ZCRB1: variants seen among roughly 807,000 people sequenced by gnomAD.
ZCRB1 encodes zinc finger CCHC-type and RNA-binding motif-containing protein 1.
A neutral mutation model predicts 29.9 loss-of-function variants in ZCRB1; 21 were observed. The observed-to-expected ratio is 0.70, with a 90% CI of 0.50 to 1.01. The LOEUF (loss-of-function observed/expected upper bound fraction) is 1.01. Among genes scored for constraint, ZCRB1 ranks in the 50% least tolerant of loss-of-function variants. The pLI is 0.00. For missense variants in ZCRB1, 204 were observed against 253.3 expected (o/e 0.81, Z 1.32); for synonymous variants, 77 against 80.0 (o/e 0.96, Z 0.20).
At chr12:42,323,868 C>G in intron 2 of ZCRB1, 151 bp downstream of exon 2, 1 of 658,506 alleles carries the variant, frequency 1.5e-6, no homozygotes. Flanking sequence ...CATGATAGTG[C>G]CACTGCACTA....
intron 5 of ZCRB1, among the ~76,000 whole-genome samples, chr12:42,316,555 T>C (rs934145881): frequency 6.6e-6 from 1 of 152,082 alleles, no homozygotes; most frequent in Non-Finnish European, 1.5e-5. Context: ...TGACAGATCA[T>C]GAAGAGAACC....
intron 1 of ZCRB1, among the ~76,000 whole-genome samples, chr12:42,324,814 T>A (rs899472638): frequency 1.3e-5 from 2 of 152,190 alleles, no homozygotes; most frequent in African/African-American, 2.4e-5. Context: ...GCAAAAAAAA[T>A]GCTCTATTGA....
At chr12:42,321,618 A>T (rs1013641274) in intron 3 of ZCRB1, among the ~76,000 whole-genome samples, 8 of 152,258 alleles carry the variant, frequency 5.3e-5, no homozygotes. Context: ...TTTTAATAGC[A>T]AAGTAACTGT....
intron 3 of ZCRB1, among the ~76,000 whole-genome samples, chr12:42,319,390 C>T (rs948450904): frequency 2.0e-5 from 3 of 152,086 alleles, no homozygotes; most frequent in African/African-American, 7.2e-5. Context: ...TGTAAGTTGC[C>T]TATTCTTTGT....
intron 5 of ZCRB1, among the ~76,000 whole-genome samples, chr12:42,314,504 C>T (rs1478589126): frequency 1.3e-5 from 2 of 148,896 alleles, no homozygotes; most frequent in African/African-American, 2.5e-5. Flanking sequence ...ATTGCTTAAA[C>T]CCAGGAGGTG....
chr12:42,316,574 A>G (rs2068595625), intron 5 of ZCRB1, among the ~76,000 whole-genome samples: 1 of 152,232 alleles, frequency 6.6e-6, no homozygotes, highest in Non-Finnish European at 1.5e-5. Flanking sequence ...CCAAAGAAGA[A>G]AATGTGGGGA....
chr12:42,317,539 T>C (rs1440821470), intron 4 of ZCRB1, 92 bp from the exon 5 acceptor site: 2 of 1,151,050 alleles, frequency 1.7e-6, no homozygotes, highest in African/African-American at 3.1e-5. Context: ...CAATTCCAGT[T>C]TATTTTGGAT....
chr12:42,317,715 T>G, intron 4 of ZCRB1, 72 bp downstream of exon 4: 2 of 1,288,120 alleles, frequency 1.6e-6, no homozygotes. Flanking sequence ...ATCCACTATA[T>G]CCCCACATTT....
At chr12:42,316,519 T>C in intron 5 of ZCRB1, among the ~76,000 whole-genome samples, 1 of 152,212 alleles carries the variant, frequency 6.6e-6, no homozygotes, top group South Asian at 2.1e-4. Flanking sequence ...CTCTCTCTCT[T>C]CATCACCAAA....
chr12:42,318,926 C>T (rs2068608036), intron 3 of ZCRB1, among the ~76,000 whole-genome samples: 1 of 152,070 alleles, frequency 6.6e-6, no homozygotes, highest in African/African-American at 2.4e-5. Context: ...ATTTATAATT[C>T]TTACTGATAA....
intron 3 of ZCRB1, among the ~76,000 whole-genome samples, chr12:42,318,103 T>C (rs1312760225): frequency 1.3e-5 from 2 of 152,216 alleles, no homozygotes; most frequent in Non-Finnish European, 2.9e-5. Flanking sequence ...AGCACAGCTA[T>C]GATTAGGAGT....
Position 42,317,257 on chromosome 12 carries a change from A to T in ZCRB1, c.333+83T>A, listed in dbSNP as rs142456450. On this transcript the variant is annotated intron_variant, in intron 5 of 7. Transcript: ENST00000266529. ...TCATAATCTGGTTTAGCCAGTCAGAAGTTTTGGTGAGCAAAAATAAAAGAC... is the reference window on the plus strand; with the variant it reads ...TCATAATCTGGTTTAGCCAGTCAGATGTTTTGGTGAGCAAAAATAAAAGAC... 3.1e-4 allele frequency: 284 copies of T among 913,228 alleles called. No individual in the cohort carries two copies. The African/African-American group carries it at 4.1e-3, about 13-fold the overall frequency. 56.6% of individuals were successfully genotyped at this position (913,228 alleles called of 1,614,324 possible).
At chr12:42,322,324 T>C in intron 3 of ZCRB1, 94 bp downstream of exon 3, 1 of 1,173,256 alleles carries the variant, frequency 8.5e-7, no homozygotes, top group South Asian at 1.6e-5. Flanking sequence ...ATATCAAGCA[T>C]GTTTTATTTT....
chr12:42,314,581 T>A (rs2068586029), intron 5 of ZCRB1, among the ~76,000 whole-genome samples: 1 of 125,998 alleles, frequency 7.9e-6, no homozygotes, highest in African/African-American at 3.6e-5. Flanking sequence ...AAACTCCGTC[T>A]CAAAAAAAAA....
At chr12:42,320,362 C>G (rs1258074148) in intron 3 of ZCRB1, among the ~76,000 whole-genome samples, 2 of 152,188 alleles carry the variant, frequency 1.3e-5, no homozygotes, top group East Asian at 1.9e-4. Context: ...TGACCAGTCT[C>G]TATATCTCCA....
chr12:42,319,152 G>A (rs2068609208), intron 3 of ZCRB1, among the ~76,000 whole-genome samples: 1 of 152,094 alleles, frequency 6.6e-6, no homozygotes, highest in Non-Finnish European at 1.5e-5. Flanking sequence ...TTCAAAAGAA[G>A]TATTGGCTTT....
At chr12:42,322,732 G>A (rs1315208569) in intron 2 of ZCRB1, among the ~76,000 whole-genome samples, 2 of 152,054 alleles carry the variant, frequency 1.3e-5, no homozygotes, top group African/African-American at 4.8e-5. Context: ...ATACTGGACA[G>A]CTGCTGTGTT....
At chr12:42,325,823 G>C (rs2137544574) in intron 1 of ZCRB1, 101 bp downstream of exon 1, 1 of 152,456 alleles carries the variant, frequency 6.6e-6, no homozygotes. Context: ...TAAGGTCCTG[G>C]AATAAAAAGG....
At chr12:42,320,444 C>CT (rs1419648105) in intron 3 of ZCRB1, among the ~76,000 whole-genome samples, 1 of 152,008 alleles carries the variant, frequency 6.6e-6, no homozygotes. Context: ...ACTGCATTTG[C>CT]TTTTTTCTTT....
Sources: allele counts gnomAD v4.1 joint callset (sites outside exome capture counted in the v4.1 genomes callset), GRCh38; gene constraint gnomAD v4.1.1; transcripts MANE v1.5; gene names NCBI Gene and HGNC (gene_info 2026-07-23, HGNC 2026-07-21).